KIF13A: variants seen among roughly 807,000 people sequenced by gnomAD.
The protein encoded by KIF13A is kinesin family member 13A.
A neutral mutation model predicts 212.2 loss-of-function variants in KIF13A; 79 were observed. The observed-to-expected ratio is 0.37, with a 90% CI of 0.31 to 0.45. The LOEUF is 0.45. Ranked by LOEUF, KIF13A falls within the 20% of genes least tolerant of loss-of-function variation. The probability of loss-of-function intolerance (pLI) is 1.00; values close to 1 mark genes in which losing one functional copy is unlikely to be tolerated. For synonymous variants in KIF13A, 789 were observed against 808.6 expected (o/e 0.98, Z 0.41); for missense variants, 1,901 against 2,209.0 (o/e 0.86, Z 2.79).
rs1001245792 is a variant in KIF13A, at chr6:17,963,504, C to A, written c.146+23550G>T. On this transcript the variant is annotated intron_variant, in intron 2 of 38. Coordinates refer to ENST00000259711, the MANE Select transcript of KIF13A (RefSeq NM_022113.6). This position sits in a 1 kb window ranked among gnomAD's most constrained non-coding sequence, Gnocchi z 4.1. Reference sequence around the variant, plus strand: ...TCTTACAATATGAAGAAATATATTACCGATGACCACAAAAGGGCCCCAAGA... The same window carrying A: ...TCTTACAATATGAAGAAATATATTAACGATGACCACAAAAGGGCCCCAAGA... 6.6e-6 allele frequency among the ~76,000 whole-genome samples: 1 copy of A among 152,178 alleles called. No homozygotes were observed. Among genetic ancestry groups the A allele is most frequent in the Non-Finnish European group, 1.5e-5 (1 of 68,032 alleles).
chr6:17,917,008 A>ACCGT lies in KIF13A; in HGVS notation c.147-18829_147-18828insACGG, dbSNP rs559211420. On this transcript the variant is annotated intron_variant, in intron 2 of 38. Transcript: ENST00000259711. Reference sequence around the variant, plus strand: ...CATTACTATTGCAATACTTGAATGGACCAGGTCAACTTTACAAAAAAAAAA... The same window carrying ACCGT: ...CATTACTATTGCAATACTTGAATGGACCGTCCAGGTCAACTTTACAAAAAAAAAA... 5.3e-3 allele frequency among the ~76,000 whole-genome samples: 802 copies of ACCGT among 150,732 alleles called. 12 individuals are homozygous for ACCGT. Among genetic ancestry groups the ACCGT allele is most frequent in the African/African-American group, 0.018 (742 of 40,978 alleles).
At chr6:17,970,644 A>G (rs1190048219) in intron 2 of KIF13A, among the ~76,000 whole-genome samples, 1 of 152,192 alleles carries the variant, frequency 6.6e-6, no homozygotes, top group African/African-American at 2.4e-5. Flanking sequence ...TGACTTAAAT[A>G]TCTGCGTCCT....
At chr6:17,797,167 C>G (rs1439237995) in intron 22 of KIF13A, among the ~76,000 whole-genome samples, 1 of 152,070 alleles carries the variant, frequency 6.6e-6, no homozygotes, top group South Asian at 2.1e-4. Flanking sequence ...GTAGCTGGGA[C>G]TACAGGCACT....
Position 17,855,421 on chromosome 6 carries a change from T to G in KIF13A, c.494+16A>C, listed in dbSNP as rs1396013524. ...TCTCCCCCTATTAACACACTTAATC[T>G]TGACCACTAACTTACCCTTTGGGGT... On this transcript the variant is annotated intron_variant, in intron 6 of 38. Coordinates refer to ENST00000259711, the MANE Select transcript of KIF13A (RefSeq NM_022113.6). This position sits in a 1 kb window ranked among gnomAD's most constrained non-coding sequence, Gnocchi z 4.1. 6.3e-7 allele frequency: 1 copy of G among 1,587,070 alleles called. No homozygotes were observed. The highest frequency in any genetic ancestry group is 1.4e-5 in the African/African-American group (1 of 73,640).
chr6:17,764,554 G>T lies in KIF13A; in HGVS notation c.4974C>A (p.Gly1658=), dbSNP rs1233882850. The change falls in exon 39 of 39, where the codon GGC becomes GGA. Residue 1658 remains glycine, a synonymous_variant. Coordinates refer to ENST00000259711, the MANE Select transcript of KIF13A (RefSeq NM_022113.6). The surrounding 1 kb of genome is among the most constrained non-coding windows in gnomAD (Gnocchi z 5.1). Reference sequence around the variant, plus strand: ...CCACAATTATCTTGTCCTTTACCAAGCCTTTTTCGACTTCTGTCAACTCTT... The same window carrying T: ...CCACAATTATCTTGTCCTTTACCAATCCTTTTTCGACTTCTGTCAACTCTT... ...SNKELTEVEK[G]LVKDKIIVVP... 1 of 1,613,954 alleles carries T rather than the reference G, an allele frequency of 6.2e-7. No individual in the cohort carries two copies. Among genetic ancestry groups the T allele is most frequent in the Admixed American group, 1.7e-5 (1 of 60,022 alleles).
rs769913734 is a variant in KIF13A at position 17,987,110 on chromosome 6, C to G, written c.90G>C (p.Met30Ile). 19 of 1,613,668 alleles carry G rather than the reference C, an allele frequency of 1.2e-5. No homozygotes were observed. The highest frequency in any genetic ancestry group is 1.6e-5 in the Non-Finnish European group (19 of 1,179,656). The change falls in exon 2 of 39, where the codon ATG becomes ATC. Residue 30 changes from methionine (M) to isoleucine (I), a missense_variant. Physicochemically the swap from Met to Ile is conservative, Grantham distance 10 (BLOSUM62 1). Transcript: ENST00000259711. This position sits in a 1 kb window ranked among gnomAD's most constrained non-coding sequence, Gnocchi z 7.7. Reference sequence around the variant, plus strand: ...GGTGCAGGACCGTTTGATTCCCTTCCATCTCCACCACGCACTTGGTGTTCA... The same window carrying G: ...GGTGCAGGACCGTTTGATTCCCTTCGATCTCCACCACGCACTTGGTGTTCA... Reference protein sequence around the residue: ...LELNTKCVVEMEGNQTVLHPP... With the variant: ...LELNTKCVVEIEGNQTVLHPP...
chr6:17,965,503 T>A (rs1193788112), intron 2 of KIF13A, among the ~76,000 whole-genome samples: 1 of 152,232 alleles, frequency 6.6e-6, no homozygotes, highest in African/African-American at 2.4e-5. Context: ...GGTTCTCCAA[T>A]CCTTACAAGA....
At chr6:17,808,634 G>A in intron 18 of KIF13A, 134 bp downstream of exon 18, 1 of 752,772 alleles carries the variant, frequency 1.3e-6, no homozygotes, top group Non-Finnish European at 2.0e-6. Context: ...TATAAAGAAT[G>A]TCTTGAAAAA....
At position 17,987,242 on chromosome 6, in the gene KIF13A, C is replaced by A; in HGVS notation, c.56-98G>T. 5 of 1,060,530 alleles carry A rather than the reference C, an allele frequency of 4.7e-6. No homozygotes were observed. Among genetic ancestry groups the A allele is most frequent in the Non-Finnish European group, 6.4e-6 (5 of 785,884 alleles). The allele number at this position is 1,060,530 out of a possible 1,614,324, so 65.7% of individuals were successfully genotyped here. On this transcript the variant is annotated intron_variant, in intron 1 of 38. Coordinates refer to ENST00000259711, the MANE Select transcript of KIF13A (RefSeq NM_022113.6). The surrounding 1 kb of genome is among the most constrained non-coding windows in gnomAD (Gnocchi z 7.7). Reference sequence around the variant, plus strand: ...CCGAGCGGGGCTCCGTCCCTGGAGGCGGCCGAGCCTGGAGACGGCGCCCCG... The same window carrying A: ...CCGAGCGGGGCTCCGTCCCTGGAGGAGGCCGAGCCTGGAGACGGCGCCCCG...
At position 17,828,250 on chromosome 6, in the gene KIF13A, C is replaced by G; in HGVS notation, c.1522G>C (p.Glu508Gln). 1 of 1,609,858 alleles carries G rather than the reference C, an allele frequency of 6.2e-7. No homozygotes were observed. The highest frequency in any genetic ancestry group is 8.5e-7 in the Non-Finnish European group (1 of 1,177,994). ...SDGDVTLTPK[E>Q]NARSCVNGTL... Reference sequence around the variant, plus strand: ...ATTTACTTTTCTTACCTTGCATTTTCTTTTGGAGTGAGAGTGACGTCTCCA... The same window carrying G: ...ATTTACTTTTCTTACCTTGCATTTTGTTTTGGAGTGAGAGTGACGTCTCCA... The change falls in exon 14 of 39, where the codon GAA (glutamate) becomes CAA (glutamine). Residue 508 changes from glutamate (E) to glutamine (Q), a missense_variant. Glu to Gln is a conservative substitution (Grantham distance 29). Transcript: ENST00000259711. The surrounding 1 kb of genome is among the most constrained non-coding windows in gnomAD (Gnocchi z 4.3).
At chr6:17,821,061 A>G (rs966309290) in intron 16 of KIF13A, among the ~76,000 whole-genome samples, 1 of 152,110 alleles carries the variant, frequency 6.6e-6, no homozygotes, top group African/African-American at 2.4e-5. Flanking sequence ...AAGGCTCACT[A>G]TGTTGCCCAG....
chr6:17,813,948 CTTTTTTT>C (rs36144211), intron 17 of KIF13A, among the ~76,000 whole-genome samples: 2 of 90,714 alleles, frequency 2.2e-5, no homozygotes, highest in Non-Finnish European at 4.1e-5. Context: ...TAAGGTGCTG[CTTTTTTT>C]TTTTTTTTTT....
intron 3 of KIF13A, among the ~76,000 whole-genome samples, chr6:17,878,013 A>G (rs1429110055): frequency 3.3e-5 from 5 of 152,238 alleles, no homozygotes; most frequent in African/African-American, 4.8e-5. Context: ...AAAACATGCA[A>G]AGACTCGTGG....
At chr6:17,862,752 A>T (rs139867045) in intron 4 of KIF13A, among the ~76,000 whole-genome samples, 3,136 of 152,188 alleles carry the variant, frequency 0.021, 113 homozygotes, top group African/African-American at 0.069. Context: ...ATTGAGACCA[A>T]CCTGGCTAAC....
intron 38 of KIF13A, among the ~76,000 whole-genome samples, chr6:17,767,551 G>A (rs765137405): frequency 5.9e-5 from 9 of 152,248 alleles, no homozygotes; most frequent in Non-Finnish European, 1.2e-4. Context: ...CACCATGCCC[G>A]GCACAAAATT....
chr6:17,846,371 G>C (rs1283382183), intron 9 of KIF13A, among the ~76,000 whole-genome samples: 1 of 152,034 alleles, frequency 6.6e-6, no homozygotes, highest in African/African-American at 2.4e-5. Flanking sequence ...CTCTCAGAGT[G>C]TATGAAAATG....
rs1162681931 is a variant in KIF13A, at chr6:17,837,878, G to A, written c.831-295C>T. On this transcript the variant is annotated intron_variant, in intron 9 of 38. Transcript: ENST00000259711. The surrounding 1 kb of genome is among the most constrained non-coding windows in gnomAD (Gnocchi z 5.4). ...TGAAGCAGGAGAATCTCTGGAACCC[G>A]GGAGTTAGAGGTTGCAGTGAGCCGA... 6.6e-6 allele frequency among the ~76,000 whole-genome samples: 1 copy of A among 152,114 alleles called. No individual in the cohort carries two copies. Among genetic ancestry groups the A allele is most frequent in the Non-Finnish European group, 1.5e-5 (1 of 68,022 alleles).
chr6:17,801,318 C>T (rs531957050), intron 20 of KIF13A, among the ~76,000 whole-genome samples: 149 of 151,752 alleles, frequency 9.8e-4, no homozygotes, highest in Admixed American at 8.7e-3. Flanking sequence ...ATGATGAAAC[C>T]CTGTCTCTAC....
At chr6:17,842,102 G>A (rs749696443) in intron 9 of KIF13A, among the ~76,000 whole-genome samples, 7 of 151,758 alleles carry the variant, frequency 4.6e-5, no homozygotes, top group Non-Finnish European at 8.8e-5. Context: ...AGGCTGGAGA[G>A]CAGTGGTACA....
Sources: gnomAD v4.1 joint callset for allele counts (sites outside exome capture counted in the v4.1 genomes callset) on GRCh38, gnomAD v4.1.1 for gene constraint, Gnocchi (gnomAD v3.1) non-coding constraint, MANE v1.5 for transcripts, NCBI Gene and HGNC (gene_info 2026-07-23, HGNC 2026-07-21) for gene names.